Variants in KLHL29 observed in about 807,000 individuals in gnomAD.
The protein encoded by KLHL29 is kelch like family member 29.
In KLHL29, 21 loss-of-function variants were observed where a neutral mutation model predicts 80.4. The ratio of observed to expected loss-of-function variants is 0.26; its 90% CI spans 0.19 to 0.38. KLHL29 has a LOEUF of 0.38. Ranked by LOEUF, KLHL29 falls within the 10% of genes least tolerant of loss-of-function variation. The pLI, the probability that KLHL29 is intolerant of heterozygous loss-of-function variation, is 1.00. For missense variants in KLHL29, 867 were observed against 1,223.9 expected, an observed-to-expected ratio of 0.71 and a Z score of 4.35; for synonymous variants, 511 against 526.8, an observed-to-expected ratio of 0.97 and a Z score of 0.41.
At chr2:23,557,459 C>T (rs908418962) in intron 2 of KLHL29, among the ~76,000 whole-genome samples, 1 of 152,300 alleles carries the variant, frequency 6.6e-6, no homozygotes, top group Non-Finnish European at 1.5e-5. Flanking sequence ...AACTAGATTT[C>T]AGGCTCCAGG....
chr2:23,680,475 T>C lies in KLHL29; in HGVS notation c.941-3924T>C, dbSNP rs1040420797. 6.6e-6 allele frequency among the ~76,000 whole-genome samples: 1 copy of C among 152,128 alleles called. No homozygotes were observed. Among genetic ancestry groups the C allele is most frequent in the Admixed American group, 6.5e-5 (1 of 15,284 alleles). The stretch of plus-strand genomic sequence containing the variant: ...CCACAGACGTAGGCGGGCATCCCGC[T>C]CAAAGCCGAGGAGACCCAAAAACAA... On this transcript the variant is annotated intron_variant, in intron 5 of 13. Coordinates refer to ENST00000486442, the MANE Select transcript of KLHL29 (RefSeq NM_052920.2). The surrounding 1 kb of genome is among the most constrained non-coding windows in gnomAD (Gnocchi z 4.1).
At chr2:23,440,510 G>C (rs1004971209) in intron 1 of KLHL29, among the ~76,000 whole-genome samples, 1 of 152,108 alleles carries the variant, frequency 6.6e-6, no homozygotes, top group Non-Finnish European at 1.5e-5. Flanking sequence ...CTTCTGCACA[G>C]CAAAAGAAAC....
intron 2 of KLHL29, among the ~76,000 whole-genome samples, chr2:23,484,676 A>G (rs1664882405): frequency 6.6e-6 from 1 of 152,164 alleles, no homozygotes; most frequent in African/African-American, 2.4e-5. Context: ...GAACAGTGTG[A>G]TTATTTATTT....
At chr2:23,673,534 G>A (rs1558434262) in intron 5 of KLHL29, among the ~76,000 whole-genome samples, 1 of 147,902 alleles carries the variant, frequency 6.8e-6, no homozygotes, top group African/African-American at 2.5e-5. Context: ...ATGCATACAT[G>A]AGGGCACATA....
chr2:23,603,966 A>C (rs1668638069), intron 3 of KLHL29, among the ~76,000 whole-genome samples: 1 of 152,174 alleles, frequency 6.6e-6, no homozygotes, highest in Admixed American at 6.5e-5. Flanking sequence ...CCATAGCACC[A>C]TGAAGTCGGT....
Position 23,574,845 on chromosome 2 carries a change from A to G in KLHL29, c.285+12364A>G, listed in dbSNP as rs533638157. On this transcript the variant is annotated intron_variant, in intron 3 of 13. Coordinates refer to ENST00000486442, the MANE Select transcript of KLHL29 (RefSeq NM_052920.2). ...CCACGCCATTTCCTTGATGAAGAGA[A>G]ATGGGGGTGTCGGTCACAGGGAGCA... 4.6e-5 allele frequency among the ~76,000 whole-genome samples: 7 copies of G among 152,264 alleles called. No homozygotes were observed. In the East Asian group the frequency reaches 1.2e-3, roughly 25 times the overall value.
At chr2:23,686,313 A>T (rs1671256600) in intron 6 of KLHL29, among the ~76,000 whole-genome samples, 2 of 151,126 alleles carry the variant, frequency 1.3e-5, no homozygotes, top group Admixed American at 1.3e-4. Flanking sequence ...GGTGGCCCTC[A>T]TCAGAAAGGA....
At chr2:23,678,921 A>G (rs952055765) in intron 5 of KLHL29, among the ~76,000 whole-genome samples, 2 of 152,046 alleles carry the variant, frequency 1.3e-5, no homozygotes, top group Non-Finnish European at 2.9e-5. Context: ...GGAGGTGGGG[A>G]GTGGTTGTTT....
At chr2:23,461,798 G>A (rs954069973) in intron 1 of KLHL29, among the ~76,000 whole-genome samples, 2 of 151,924 alleles carry the variant, frequency 1.3e-5, no homozygotes, top group Admixed American at 6.6e-5. Context: ...AAGCTGCATC[G>A]TTAGCCAGCG....
intron 3 of KLHL29, among the ~76,000 whole-genome samples, chr2:23,597,280 CTA>C (rs1193214635): frequency 0.012 from 12 of 988 alleles, no homozygotes; most frequent in East Asian, 0.023. Flanking sequence ...CGCTCTCAAT[CTA>C]TCTCTCTCTC....
At chr2:23,396,456 A>G (rs1276853521) in intron 1 of KLHL29, among the ~76,000 whole-genome samples, 5 of 152,196 alleles carry the variant, frequency 3.3e-5, no homozygotes, top group Non-Finnish European at 1.5e-5. Context: ...GACTTAGCTT[A>G]TTTAGCCAAT....
chr2:23,584,982 C>A (rs1668082833), intron 3 of KLHL29, among the ~76,000 whole-genome samples: 1 of 152,174 alleles, frequency 6.6e-6, no homozygotes, highest in Non-Finnish European at 1.5e-5. Context: ...GTGATCCACC[C>A]ACCTTGGCCT....
intron 3 of KLHL29, among the ~76,000 whole-genome samples, chr2:23,630,568 C>A (rs1164810385): frequency 1.3e-5 from 2 of 152,126 alleles, no homozygotes; most frequent in Non-Finnish European, 2.9e-5. Context: ...AATGCAACCT[C>A]CACCTCCCAG....
rs1416812568 is a variant in KLHL29, at chr2:23,514,702, G to T, written c.-46+39035G>T. Among the ~76,000 whole-genome samples, 7 of 152,194 alleles carry T rather than the reference G, an allele frequency of 4.6e-5. 1 individual carries two copies. The highest frequency in any genetic ancestry group is 4.6e-4 in the Admixed American group (7 of 15,286). ...TCTTTGAGGCACCGTTAGGAAGAAG[G>T]TCAGTGTGTCTGGGTGTGGTGATCT... On this transcript the variant is annotated intron_variant, in intron 2 of 13. Coordinates refer to ENST00000486442, the MANE Select transcript of KLHL29 (RefSeq NM_052920.2).
chr2:23,394,532 C>T (rs549421074), intron 1 of KLHL29, among the ~76,000 whole-genome samples: 2 of 152,268 alleles, frequency 1.3e-5, no homozygotes, highest in East Asian at 1.9e-4. Context: ...TGATGGGTGC[C>T]GGATGGGTTA....
chr2:23,477,772 C>G (rs762164908), intron 2 of KLHL29, among the ~76,000 whole-genome samples: 1 of 152,204 alleles, frequency 6.6e-6, no homozygotes, highest in African/African-American at 2.4e-5. Flanking sequence ...CGCTCCTACA[C>G]GGGGCAAAGA....
intron 1 of KLHL29, among the ~76,000 whole-genome samples, chr2:23,439,053 CGAG>C (rs1007442137): frequency 2.7e-5 from 4 of 149,460 alleles, no homozygotes; most frequent in Admixed American, 2.7e-4. Flanking sequence ...GTGTATGTGT[CGAG>C]GAATTTATCC....
chr2:23,690,277 C>G (rs919290273), intron 6 of KLHL29: 2 of 152,240 alleles, frequency 1.3e-5, no homozygotes, highest in African/African-American at 4.8e-5. Context: ...GGAATTCAGA[C>G]CTCATCTAGT....
intron 2 of KLHL29, among the ~76,000 whole-genome samples, chr2:23,515,189 G>A (rs1272586911): frequency 6.6e-6 from 1 of 152,068 alleles, no homozygotes; most frequent in African/African-American, 2.4e-5. Context: ...CCCAAGGGAG[G>A]GTCCTTATTC....
Sources: allele counts gnomAD v4.1 joint callset (sites outside exome capture counted in the v4.1 genomes callset), GRCh38; gene constraint gnomAD v4.1.1; non-coding constraint Gnocchi (gnomAD v3.1); transcripts MANE v1.5; gene names NCBI Gene and HGNC (gene_info 2026-07-23, HGNC 2026-07-21).